Variants in CNTNAP5 observed in about 807,000 individuals in gnomAD.
CNTNAP5 encodes the protein contactin-associated protein-like 5.
In CNTNAP5, 72 loss-of-function variants were observed where a neutral mutation model predicts 150.2. The observed-to-expected ratio is 0.48, with a 90% CI of 0.40 to 0.58. CNTNAP5 has a LOEUF of 0.58. Ranked by LOEUF, CNTNAP5 falls within the 20% of genes least tolerant of loss-of-function variation. CNTNAP5 has a pLI of 0.00. For missense variants in CNTNAP5, 1,636 were observed against 1,626.2 expected, an observed-to-expected ratio of 1.01 and a Z score of -0.10; for synonymous variants, 672 against 619.8, an observed-to-expected ratio of 1.08 and a Z score of -1.25.
chr2:124,045,173 C>G (rs540211109), intron 1 of CNTNAP5, among the ~76,000 whole-genome samples: 1 of 152,154 alleles, frequency 6.6e-6, no homozygotes, highest in South Asian at 2.1e-4. Context: ...AAAAAGCAAA[C>G]AAGCAAGCTT....
intron 10 of CNTNAP5, among the ~76,000 whole-genome samples, chr2:124,541,178 G>GTTTTTTTTTTTTTTTTTTTTTT (rs1477319002): frequency 1.5e-4 from 4 of 27,572 alleles, no homozygotes; most frequent in African/African-American, 5.8e-4. Flanking sequence ...ACAAAATTCC[G>GTTTTTTTTTTTTTTTTTTTTTT]ATTTTTTTTT....
intron 1 of CNTNAP5, among the ~76,000 whole-genome samples, chr2:124,169,550 A>T (rs1276888076): frequency 6.6e-6 from 1 of 152,180 alleles, no homozygotes; most frequent in Non-Finnish European, 1.5e-5. Flanking sequence ...ACAAAATGTG[A>T]TTCATTTTTA....
Position 124,485,631 on chromosome 2 carries a change from A to AAAAAAAAAAAAAAAAAAAAAGAAGAAG in CNTNAP5, c.1062+10752_1062+10753insAAAAAAAAAAAAAAAAAGAAGAAGAAA, listed in dbSNP as rs1457112306. Reference sequence around the variant, plus strand: ...CTGTCTCAAAAAAAAAAAAAAAAAAAAAAGAAGAAGGTGCATTTACCGGGG... The same window carrying AAAAAAAAAAAAAAAAAAAAAGAAGAAG: ...CTGTCTCAAAAAAAAAAAAAAAAAAAAAAAAAAAAAAAAAAAAAAAGAAGAAGAAAGAAGAAGGTGCATTTACCGGGG... On this transcript the variant is annotated intron_variant, in intron 7 of 23. Transcript: ENST00000682447. 1.3e-3 allele frequency among the ~76,000 whole-genome samples: 176 copies of AAAAAAAAAAAAAAAAAAAAAGAAGAAG among 134,098 alleles called. 4 individuals are homozygous for AAAAAAAAAAAAAAAAAAAAAGAAGAAG. Among genetic ancestry groups the AAAAAAAAAAAAAAAAAAAAAGAAGAAG allele is most frequent in the African/African-American group, 4.2e-3 (133 of 32,038 alleles). The allele number at this position is 134,098 out of a possible 152,430, so 88.0% of individuals were successfully genotyped here.
chr2:124,182,794 T>C (rs1159587534), intron 1 of CNTNAP5, among the ~76,000 whole-genome samples: 1 of 152,182 alleles, frequency 6.6e-6, no homozygotes, highest in East Asian at 1.9e-4. Flanking sequence ...TCTGCCTGTG[T>C]CTTTAGTACC....
intron 3 of CNTNAP5, 48 bp downstream of exon 3, chr2:124,242,441 G>A (rs1224859134): frequency 1.3e-6 from 2 of 1,518,662 alleles, no homozygotes; most frequent in South Asian, 2.3e-5. Context: ...ATGTGCTAAT[G>A]GTAACCAGAG....
chr2:124,687,920 TGAA>T (rs1320039450), intron 13 of CNTNAP5, among the ~76,000 whole-genome samples: 2 of 152,114 alleles, frequency 1.3e-5, no homozygotes, highest in Admixed American at 1.3e-4. Flanking sequence ...ATTCAAAAAT[TGAA>T]GAATTTATTC....
chr2:124,332,241 A>G (rs1365536765), intron 3 of CNTNAP5, among the ~76,000 whole-genome samples: 2 of 151,508 alleles, frequency 1.3e-5, no homozygotes, highest in Non-Finnish European at 3.0e-5. Flanking sequence ...TTTCTTTAAC[A>G]AAAATACATT....
At chr2:124,159,263 A>T (rs1684617400) in intron 1 of CNTNAP5, among the ~76,000 whole-genome samples, 1 of 152,130 alleles carries the variant, frequency 6.6e-6, no homozygotes, top group African/African-American at 2.4e-5. Flanking sequence ...GAAGCTTTGG[A>T]AGTATTCTTG....
chr2:124,737,985 T>G (rs950215581), intron 13 of CNTNAP5, among the ~76,000 whole-genome samples: 1 of 152,236 alleles, frequency 6.6e-6, no homozygotes, highest in Non-Finnish European at 1.5e-5. Flanking sequence ...TTTTTATTAG[T>G]ATCATGAGTC....
At chr2:124,824,740 G>C (rs2104673253) in intron 19 of CNTNAP5, among the ~76,000 whole-genome samples, 1 of 152,324 alleles carries the variant, frequency 6.6e-6, no homozygotes, top group Middle Eastern at 3.4e-3. Flanking sequence ...GCCTGGGGTA[G>C]TAAAACAAGA....
chr2:124,363,878 T>C (rs951613527), intron 3 of CNTNAP5, among the ~76,000 whole-genome samples: 3 of 152,212 alleles, frequency 2.0e-5, no homozygotes, highest in Non-Finnish European at 4.4e-5. Flanking sequence ...AATAAAGATA[T>C]ATGCATATAC....
chr2:124,505,746 G>A (rs1044235353), intron 8 of CNTNAP5, among the ~76,000 whole-genome samples: 10 of 151,844 alleles, frequency 6.6e-5, no homozygotes, highest in East Asian at 1.9e-4. Context: ...TTCAAGCAGC[G>A]GTGTATTTAC....
intron 3 of CNTNAP5, among the ~76,000 whole-genome samples, chr2:124,311,927 A>G (rs1475434441): frequency 3.3e-5 from 5 of 151,368 alleles, no homozygotes; most frequent in Admixed American, 2.6e-4. Flanking sequence ...GGCTCATGGT[A>G]CTGCAGGGTA....
intron 1 of CNTNAP5, among the ~76,000 whole-genome samples, chr2:124,064,157 C>T (rs1045856839): frequency 6.6e-6 from 1 of 152,054 alleles, no homozygotes. Flanking sequence ...CCTTTAGATT[C>T]CTGATATCTG....
intron 4 of CNTNAP5, among the ~76,000 whole-genome samples, chr2:124,433,173 A>G (rs1160781702): frequency 1.3e-5 from 2 of 152,138 alleles, no homozygotes; most frequent in Admixed American, 6.5e-5. Context: ...CTGTGGCCCC[A>G]CTTTGGTCTG....
chr2:124,188,886 A>C (rs1159147106), intron 1 of CNTNAP5, among the ~76,000 whole-genome samples: 1 of 152,116 alleles, frequency 6.6e-6, no homozygotes, highest in Non-Finnish European at 1.5e-5. Context: ...CATCATGAAA[A>C]ATTGGATTAA....
At chr2:124,184,802 T>G (rs1529299) in intron 1 of CNTNAP5, among the ~76,000 whole-genome samples, 34,012 of 151,924 alleles carry the variant, frequency 0.22, 4,088 homozygotes, top group African/African-American at 0.3. Flanking sequence ...GTGCTCCAGG[T>G]TTTACAGGAG....
intron 13 of CNTNAP5, among the ~76,000 whole-genome samples, chr2:124,730,655 A>T (rs1464301391): frequency 6.6e-6 from 1 of 152,060 alleles, no homozygotes; most frequent in African/African-American, 2.4e-5. Flanking sequence ...GTTTTATAAG[A>T]CACAAAGTAT....
chr2:124,333,894 A>G (rs1000728110), intron 3 of CNTNAP5, among the ~76,000 whole-genome samples: 2 of 152,194 alleles, frequency 1.3e-5, no homozygotes, highest in African/African-American at 4.8e-5. Context: ...CTGCATAATG[A>G]CCAGTACTGT....
Sources: gnomAD v4.1 joint callset for allele counts (sites outside exome capture counted in the v4.1 genomes callset) on GRCh38, gnomAD v4.1.1 for gene constraint, MANE v1.5 for transcripts, NCBI Gene and HGNC (gene_info 2026-07-23, HGNC 2026-07-21) for gene names.